Variants in PCED1B observed in about 807,000 individuals in gnomAD.
PCED1B encodes the protein PC-esterase domain containing 1B.
For missense variants in PCED1B, 573 were observed against 573.9 expected (o/e 1.00, Z 0.02); for synonymous variants, 251 against 246.1 (o/e 1.02, Z -0.19).
At chr12:47,124,477 A>G (rs973672452) in intron 2 of PCED1B, among the ~76,000 whole-genome samples, 1 of 150,272 alleles carries the variant, frequency 6.7e-6, no homozygotes, top group African/African-American at 2.4e-5. Flanking sequence ...GTTCCTATAA[A>G]CATTCATCTG....
chr12:47,221,600 A>G (rs547573687), intron 3 of PCED1B, among the ~76,000 whole-genome samples: 14 of 152,362 alleles, frequency 9.2e-5, no homozygotes, highest in African/African-American at 1.4e-4. Flanking sequence ...GAAGCAAAGT[A>G]TATTTCCACC....
At chr12:47,176,057 A>G (rs1016007633) in intron 2 of PCED1B, among the ~76,000 whole-genome samples, 1 of 151,814 alleles carries the variant, frequency 6.6e-6, no homozygotes, top group Non-Finnish European at 1.5e-5. Context: ...GCCCTAGCCA[A>G]TGATTCTTTA....
chr12:47,191,757 C>T (rs1260943186), intron 2 of PCED1B, among the ~76,000 whole-genome samples: 1 of 151,910 alleles, frequency 6.6e-6, no homozygotes, highest in Non-Finnish European at 1.5e-5. Flanking sequence ...AGGGTGCGGC[C>T]TGGACACAAA....
In PCED1B at chr12:47,123,916, GTTTA is replaced by G. The variant is rs550076235; in HGVS notation, c.-526+19727_-526+19730del. 1.3e-4 allele frequency among the ~76,000 whole-genome samples: 19 copies of G among 151,998 alleles called. No individual in the cohort carries two copies. In the South Asian group the frequency reaches 3.5e-3, roughly 28 times the overall value. On this transcript the variant is annotated intron_variant, in intron 2 of 3. Coordinates refer to ENST00000546455, the MANE Select transcript of PCED1B (RefSeq NM_138371.3). The stretch of plus-strand genomic sequence containing the variant: ...CTTGATATTTTATGAATGCATCATT[GTTTA>G]TTTATCCACTCCCTATTTTTAGAAA...
intron 1 of PCED1B, among the ~76,000 whole-genome samples, chr12:47,098,947 T>C (rs1938590522): frequency 6.6e-6 from 1 of 152,190 alleles, no homozygotes; most frequent in South Asian, 2.1e-4. Context: ...TGCTGGTGGA[T>C]GTGTGCAAAA....
chr12:47,108,017 A>G (rs1363838638), intron 2 of PCED1B, among the ~76,000 whole-genome samples: 1 of 152,188 alleles, frequency 6.6e-6, no homozygotes. Context: ...GTACAAAATG[A>G]CAGTATGAGC....
At chr12:47,211,653 CAAA>C (rs760117906) in intron 2 of PCED1B, among the ~76,000 whole-genome samples, 64 of 65,622 alleles carry the variant, frequency 9.8e-4, no homozygotes, top group African/African-American at 3.5e-3. Context: ...GACTCTGTCT[CAAA>C]AAAAAAAAAA....
At chr12:47,201,091 C>T (rs921303964) in intron 2 of PCED1B, among the ~76,000 whole-genome samples, 1 of 152,076 alleles carries the variant, frequency 6.6e-6, no homozygotes, top group African/African-American at 2.4e-5. Flanking sequence ...CAAATTCTCT[C>T]GGCCCCGAAG....
intron 2 of PCED1B, among the ~76,000 whole-genome samples, chr12:47,194,860 A>C (rs1942552837): frequency 6.6e-6 from 1 of 152,196 alleles, no homozygotes; most frequent in African/African-American, 2.4e-5. Flanking sequence ...CAGAAACAGC[A>C]CTGGCCACTT....
intron 2 of PCED1B, among the ~76,000 whole-genome samples, chr12:47,116,511 TC>T (rs1421244508): frequency 6.6e-6 from 1 of 152,150 alleles, no homozygotes; most frequent in East Asian, 1.9e-4. Flanking sequence ...ATGTTAATTT[TC>T]AAAAAACACC....
At chr12:47,200,776 A>G (rs1452287628) in intron 2 of PCED1B, among the ~76,000 whole-genome samples, 1 of 152,260 alleles carries the variant, frequency 6.6e-6, no homozygotes, top group African/African-American at 2.4e-5. Context: ...CTGGACCAGT[A>G]ACGCTAGGCC....
chr12:47,229,986 G>A (rs938847537), intron 3 of PCED1B, among the ~76,000 whole-genome samples: 1 of 151,600 alleles, frequency 6.6e-6, no homozygotes, highest in South Asian at 2.1e-4. Context: ...GTGTTAGCCA[G>A]GATGGTCTCA....
intron 2 of PCED1B, among the ~76,000 whole-genome samples, chr12:47,192,184 T>G (rs1029862723): frequency 1.3e-5 from 2 of 151,738 alleles, no homozygotes; most frequent in Non-Finnish European, 2.9e-5. Flanking sequence ...TTTTTTTTTT[T>G]TTGCCTCTTT....
At chr12:47,168,428 A>G (rs1941614269) in intron 2 of PCED1B, among the ~76,000 whole-genome samples, 1 of 151,984 alleles carries the variant, frequency 6.6e-6, no homozygotes, top group Non-Finnish European at 1.5e-5. Context: ...TATCTTGTGT[A>G]TGTTTCTCTT....
intron 2 of PCED1B, among the ~76,000 whole-genome samples, chr12:47,214,597 C>G (rs1943192177): frequency 6.6e-6 from 1 of 151,654 alleles, no homozygotes; most frequent in Non-Finnish European, 1.5e-5. Context: ...CACTTGAGCC[C>G]ACGAGTTCAA....
intron 1 of PCED1B, among the ~76,000 whole-genome samples, chr12:47,095,528 C>T (rs1329878239): frequency 2.6e-5 from 4 of 152,066 alleles, no homozygotes; most frequent in African/African-American, 9.7e-5. Context: ...CTTTTTGGAA[C>T]TCCAATTATA....
intron 2 of PCED1B, among the ~76,000 whole-genome samples, chr12:47,175,551 A>AGTATGTAT (rs34227779): frequency 0.017 from 2,537 of 151,452 alleles, 56 homozygotes; most frequent in African/African-American, 0.048. Flanking sequence ...TACTTCTTTC[A>AGTATGTAT]GTATGTATGT....
intron 2 of PCED1B, among the ~76,000 whole-genome samples, chr12:47,195,096 G>A (rs1274396108): frequency 6.6e-6 from 1 of 152,038 alleles, no homozygotes; most frequent in African/African-American, 2.4e-5. Context: ...TTTGGGAGGC[G>A]GAGGCGGGTG....
In PCED1B at chr12:47,087,052, A is replaced by G. The variant is rs185631805; in HGVS notation, c.-609+7327A>G. On this transcript the variant is annotated intron_variant, in intron 1 of 3. Transcript: ENST00000546455. ...CCATTATACAGTCAGCACTATTGCA[A>G]ATACTTATTCAATTACTTTCAGCAA... 1.9e-3 allele frequency among the ~76,000 whole-genome samples: 296 copies of G among 152,346 alleles called. 3 individuals carry two copies. Among genetic ancestry groups the G allele is most frequent in the African/African-American group, 5.3e-3 (219 of 41,572 alleles).
Sources: gnomAD v4.1 joint callset for allele counts (sites outside exome capture counted in the v4.1 genomes callset) on GRCh38, gnomAD v4.1.1 for gene constraint, MANE v1.5 for transcripts, NCBI Gene and HGNC (gene_info 2026-07-23, HGNC 2026-07-21) for gene names.